Variants in FRMD3 observed in about 807,000 individuals in gnomAD.
FRMD3 encodes FERM domain containing 3, also known as FERM domain-containing protein 3.
In FRMD3, 33 loss-of-function variants were observed where a neutral mutation model predicts 70.2. The ratio of observed to expected loss-of-function variants is 0.47; its 90% CI spans 0.36 to 0.63. The LOEUF (loss-of-function observed/expected upper bound fraction) is 0.63, where lower values mean the gene tolerates loss of function less well. Among genes scored for constraint, FRMD3 ranks in the 20% least tolerant of loss-of-function variants. FRMD3 has a pLI of 0.00. For missense variants in FRMD3, 632 were observed against 711.4 expected, an observed-to-expected ratio of 0.89 and a Z score of 1.27; for synonymous variants, 279 against 255.9, an observed-to-expected ratio of 1.09 and a Z score of -0.86.
chr9:83,353,425 T>C (rs139953819), intron 3 of FRMD3, among the ~76,000 whole-genome samples: 23 of 152,310 alleles, frequency 1.5e-4, no homozygotes, highest in African/African-American at 4.8e-4. Context: ...GATAAATAAT[T>C]TCCCCCAAAA....
chr9:83,461,345 G>A (rs1403802996), intron 1 of FRMD3, among the ~76,000 whole-genome samples: 1 of 152,154 alleles, frequency 6.6e-6, no homozygotes. Flanking sequence ...GCTTCCAGAA[G>A]GAACACAGCC....
At chr9:83,530,716 A>C (rs532392109) in intron 1 of FRMD3, among the ~76,000 whole-genome samples, 1 of 152,302 alleles carries the variant, frequency 6.6e-6, no homozygotes, top group Admixed American at 6.5e-5. Context: ...TTTTTTTAAT[A>C]GCATGGACTC....
At chr9:83,420,387 A>G (rs1826596726) in intron 1 of FRMD3, among the ~76,000 whole-genome samples, 1 of 152,170 alleles carries the variant, frequency 6.6e-6, no homozygotes, top group Non-Finnish European at 1.5e-5. Context: ...AGTTATACTC[A>G]TACCTCCTAC....
intron 1 of FRMD3, among the ~76,000 whole-genome samples, chr9:83,509,732 T>C (rs1829292852): frequency 6.6e-6 from 1 of 152,210 alleles, no homozygotes; most frequent in African/African-American, 2.4e-5. Context: ...TACTACTGCA[T>C]GTGAATCTAC....
intron 1 of FRMD3, among the ~76,000 whole-genome samples, chr9:83,533,736 G>A (rs781002393): frequency 6.6e-6 from 1 of 152,154 alleles, no homozygotes; most frequent in Non-Finnish European, 1.5e-5. Context: ...TCCTACTCTT[G>A]TGAATTTAAC....
At chr9:83,310,792 C>T (rs940625788) in intron 8 of FRMD3, among the ~76,000 whole-genome samples, 7 of 152,304 alleles carry the variant, frequency 4.6e-5, no homozygotes, top group East Asian at 1.9e-4. Context: ...CAGGCTGCAT[C>T]GTTCTTCCAA....
chr9:83,331,782 C>T (rs1037827136), intron 6 of FRMD3: 1 of 687,626 alleles, frequency 1.5e-6, no homozygotes, highest in Admixed American at 2.5e-5. Flanking sequence ...AAAAGAAAAA[C>T]AACTCTATTA....
At chr9:83,394,855 T>C (rs1315362507) in intron 1 of FRMD3, among the ~76,000 whole-genome samples, 3 of 152,222 alleles carry the variant, frequency 2.0e-5, no homozygotes, top group Non-Finnish European at 4.4e-5. Flanking sequence ...AATCTTGTTT[T>C]CACCACTCAT....
At chr9:83,415,441 TC>T (rs1221382044) in intron 1 of FRMD3, among the ~76,000 whole-genome samples, 36 of 142,282 alleles carry the variant, frequency 2.5e-4, no homozygotes, top group Middle Eastern at 6.9e-3. Flanking sequence ...GAAAGGAAAT[TC>T]TTTTTTTTTT....
At chr9:83,528,320 C>CAT (rs1829726291) in intron 1 of FRMD3, among the ~76,000 whole-genome samples, 1 of 151,906 alleles carries the variant, frequency 6.6e-6, no homozygotes. Context: ...CACACACACA[C>CAT]GTGCATAGTT....
intron 2 of FRMD3, among the ~76,000 whole-genome samples, chr9:83,382,316 T>G (rs552085981): frequency 6.6e-6 from 1 of 152,338 alleles, no homozygotes; most frequent in South Asian, 2.1e-4. Flanking sequence ...ATGTGCAGAA[T>G]GTGCAGGATT....
intron 6 of FRMD3, among the ~76,000 whole-genome samples, chr9:83,323,547 T>C (rs1184540376): frequency 6.6e-6 from 1 of 152,222 alleles, no homozygotes; most frequent in African/African-American, 2.4e-5. Context: ...GCCGTGCTCA[T>C]GCCCTCTTCA....
intron 1 of FRMD3, among the ~76,000 whole-genome samples, chr9:83,455,552 C>G (rs568840936): frequency 6.6e-6 from 1 of 152,312 alleles, no homozygotes; most frequent in East Asian, 1.9e-4. Flanking sequence ...ATTCTGAGGC[C>G]TCCCCAGCCA....
intron 1 of FRMD3, among the ~76,000 whole-genome samples, chr9:83,412,967 C>T (rs116655283): frequency 0.011 from 1,670 of 151,712 alleles, 35 homozygotes; most frequent in African/African-American, 0.038. Flanking sequence ...TGCATTTAGC[C>T]TGGGCAACAG....
intron 13 of FRMD3, among the ~76,000 whole-genome samples, chr9:83,279,867 G>A (rs555984869): frequency 3.2e-4 from 49 of 152,172 alleles, no homozygotes; most frequent in Non-Finnish European, 6.2e-4. Context: ...ACCTAGGTGA[G>A]GTAATAAGAT....
the FRMD3 span, among the ~76,000 whole-genome samples, chr9:83,580,530 G>A: frequency 5.9e-5 from 9 of 152,122 alleles, no homozygotes; most frequent in South Asian, 2.1e-4. Context: ...CACGTACCTC[G>A]TGATCTCACT....
At chr9:83,544,290 C>T in the FRMD3 span, among the ~76,000 whole-genome samples, 3 of 152,222 alleles carry the variant, frequency 2.0e-5, no homozygotes, top group Admixed American at 1.3e-4. Context: ...CTGGTGCAGC[C>T]CCCTGACCCC....
At chr9:83,584,186 A>G in the FRMD3 span, among the ~76,000 whole-genome samples, 1 of 152,080 alleles carries the variant, frequency 6.6e-6, no homozygotes, top group Non-Finnish European at 1.5e-5. Flanking sequence ...ATACAAAAAA[A>G]TTAGCTGGGC....
chr9:83,299,483 G>C (rs988325910), intron 10 of FRMD3, among the ~76,000 whole-genome samples: 4 of 152,168 alleles, frequency 2.6e-5, no homozygotes, highest in Admixed American at 2.6e-4. Flanking sequence ...AAAAAGGACT[G>C]GGCAGTGATG....
Sources: gnomAD v4.1 joint callset for allele counts (sites outside exome capture counted in the v4.1 genomes callset) on GRCh38, gnomAD v4.1.1 for gene constraint, MANE v1.5 for transcripts, NCBI Gene and HGNC (gene_info 2026-07-23, HGNC 2026-07-21) for gene names.